Variants in MOB1B observed in about 807,000 individuals in gnomAD.
MOB1B encodes the protein MOB kinase activator 1B, also known as MOB1 Mps One Binder homolog B.
In MOB1B, 19 loss-of-function variants were observed where a neutral mutation model predicts 24.4. The observed-to-expected ratio is 0.78, with a 90% CI of 0.54 to 1.14. The LOEUF (loss-of-function observed/expected upper bound fraction) is 1.14. Ranked by LOEUF, MOB1B falls within the 50% of genes most tolerant of loss-of-function variation. MOB1B has a pLI of 0.00. For missense variants in MOB1B, 243 were observed against 259.6 expected (o/e 0.94, Z 0.44); for synonymous variants, 76 against 82.1 (o/e 0.93, Z 0.40).
At chr4:70,918,201 A>G (rs982072045) in intron 1 of MOB1B, among the ~76,000 whole-genome samples, 20 of 152,208 alleles carry the variant, frequency 1.3e-4, no homozygotes, top group Non-Finnish European at 2.6e-4. Context: ...GCATTAGAAA[A>G]GACAATTTTG....
chr4:70,914,797 G>T (rs1736133978), intron 1 of MOB1B, among the ~76,000 whole-genome samples: 1 of 152,064 alleles, frequency 6.6e-6, no homozygotes, highest in Non-Finnish European at 1.5e-5. Context: ...ACCCTGTCTG[G>T]CCACCCTCTC....
chr4:70,933,519 T>C (rs540491682), intron 1 of MOB1B, among the ~76,000 whole-genome samples: 7 of 151,188 alleles, frequency 4.6e-5, no homozygotes, highest in African/African-American at 1.7e-4. Flanking sequence ...AATAGTTCTA[T>C]AGGGCTTGTA....
intron 1 of MOB1B, among the ~76,000 whole-genome samples, chr4:70,936,052 C>T (rs912871040): frequency 3.3e-5 from 5 of 152,030 alleles, no homozygotes; most frequent in African/African-American, 7.2e-5. Context: ...GGGGTTTCAC[C>T]GTTTTAGCTG....
intron 2 of MOB1B, among the ~76,000 whole-genome samples, chr4:70,959,284 C>A (rs1257364415): frequency 6.6e-6 from 1 of 152,226 alleles, no homozygotes; most frequent in Non-Finnish European, 1.5e-5. Flanking sequence ...TTATGGCTGA[C>A]TGCAGCCTTG....
In MOB1B at chr4:70,982,125, T is replaced by C; in HGVS notation, c.*68T>C. On this transcript the variant is annotated 3_prime_UTR_variant, in exon 6 of 6. Transcript: ENST00000309395. ...GTGGAGTGTATTGGGGATTTTGTTA[T>C]ATTTTGTTTTTATCTGGATTGTTTT... The C allele has an allele frequency of 8.1e-6, 10 of 1,230,170 alleles. No homozygotes were observed. Among genetic ancestry groups the C allele is most frequent in the East Asian group, 2.4e-5 (1 of 42,518 alleles). The allele number at this position is 1,230,170 out of a possible 1,614,324, so 76.2% of individuals were successfully genotyped here.
At position 70,983,421 on chromosome 4, in the gene MOB1B, A is replaced by ATTTC. The variant is rs1739280655; in HGVS notation, c.*1364_*1365insTTTC. ...TTTTATTCGCCATGACTTTCTAGTG[A>ATTTC]ATTATTACCATAAATAACAATTTCA... is the stretch of plus-strand genomic sequence containing the variant. On this transcript the variant is annotated 3_prime_UTR_variant, in exon 6 of 6. Coordinates refer to ENST00000309395, the MANE Select transcript of MOB1B (RefSeq NM_173468.4). 1 of 152,406 alleles carries ATTTC rather than the reference A, an allele frequency of 6.6e-6. No individual in the cohort carries two copies. The highest frequency in any genetic ancestry group is 2.4e-5 in the African/African-American group (1 of 41,444). 9.4% of individuals were successfully genotyped at this position (152,406 alleles called of 1,614,324 possible).
At chr4:70,962,624 A>C (rs753429866) in intron 2 of MOB1B, among the ~76,000 whole-genome samples, 1 of 152,166 alleles carries the variant, frequency 6.6e-6, no homozygotes, top group Non-Finnish European at 1.5e-5. Flanking sequence ...AATCTGTGCA[A>C]CCTTGGATTT....
chr4:70,958,973 T>C lies in MOB1B; in HGVS notation c.114T>C (p.Ser38=), dbSNP rs781322500. The C allele has an allele frequency of 5.6e-6, 9 of 1,614,164 alleles. No individual in the cohort carries two copies. The highest frequency in any genetic ancestry group is 7.6e-6 in the Non-Finnish European group (9 of 1,180,016). ...LLKHAEATLG[S]GNLRMAVMLP... ...AACACGCAGAAGCCACACTTGGCAG[T>C]GGCAACCTTCGGATGGCTGTCATGC... The change falls in exon 2 of 6, where the codon AGT becomes AGC. Residue 38 remains serine (S), a synonymous_variant. Coordinates refer to ENST00000309395, the MANE Select transcript of MOB1B (RefSeq NM_173468.4).
At chr4:70,920,583 C>A (rs1736394062) in intron 1 of MOB1B, among the ~76,000 whole-genome samples, 1 of 152,250 alleles carries the variant, frequency 6.6e-6, no homozygotes, top group South Asian at 2.1e-4. Flanking sequence ...GTGACTTTTA[C>A]TTTATATTTA....
intron 1 of MOB1B, among the ~76,000 whole-genome samples, chr4:70,907,984 T>C (rs1339454281): frequency 6.6e-6 from 1 of 151,930 alleles, no homozygotes; most frequent in Admixed American, 6.6e-5. Flanking sequence ...GGAAAGGTGG[T>C]TTGGGAATGT....
chr4:70,948,707 C>T (rs537943873), intron 1 of MOB1B, among the ~76,000 whole-genome samples: 15 of 152,030 alleles, frequency 9.9e-5, no homozygotes, highest in Non-Finnish European at 1.9e-4. Flanking sequence ...ATTGTCTGCT[C>T]AACTTGAGTG....
At chr4:70,941,160 C>CT (rs775651257) in intron 1 of MOB1B, among the ~76,000 whole-genome samples, 1,732 of 135,412 alleles carry the variant, frequency 0.013, 27 homozygotes, top group African/African-American at 0.039. Flanking sequence ...TACTTTGGCT[C>CT]TTTTTTTTTT....
intron 1 of MOB1B, among the ~76,000 whole-genome samples, chr4:70,924,676 C>G (rs192234524): frequency 1.3e-5 from 2 of 152,234 alleles, no homozygotes; most frequent in South Asian, 2.1e-4. Context: ...TATTCCCCGC[C>G]CTGTGTCCAG....
At chr4:70,953,725 C>G (rs1454849903) in intron 1 of MOB1B, among the ~76,000 whole-genome samples, 2 of 152,192 alleles carry the variant, frequency 1.3e-5, no homozygotes, top group Non-Finnish European at 2.9e-5. Context: ...GGGCGGATCA[C>G]TTGAGTTCAG....
chr4:70,942,735 G>A (rs543707264), intron 1 of MOB1B: 9 of 265,584 alleles, frequency 3.4e-5, no homozygotes, highest in Admixed American at 6.5e-5. Context: ...ATACAGACTA[G>A]GGCAGGATTT....
intron 2 of MOB1B, among the ~76,000 whole-genome samples, chr4:70,961,983 T>TG (rs1270116144): frequency 6.6e-6 from 1 of 152,190 alleles, no homozygotes; most frequent in African/African-American, 2.4e-5. Flanking sequence ...CCCAGCATTT[T>TG]GGGAGGCTGA....
At chr4:70,974,452 G>A (rs1333310171) in intron 3 of MOB1B, among the ~76,000 whole-genome samples, 2 of 151,940 alleles carry the variant, frequency 1.3e-5, no homozygotes, top group African/African-American at 4.8e-5. Flanking sequence ...TTGAGTCTGC[G>A]TTTTCTACTA....
chr4:70,985,418 C>A lies in MOB1B; in HGVS notation c.*3361C>A, dbSNP rs1403189811. 6.6e-6 allele frequency: 1 copy of A among 152,122 alleles called. No individual in the cohort carries two copies. Among genetic ancestry groups the A allele is most frequent in the African/African-American group, 2.4e-5 (1 of 41,428 alleles). 9.4% of individuals were successfully genotyped at this position (152,122 alleles called of 1,614,324 possible). A position where few individuals can be genotyped will look rare whatever the true frequency, so the allele number is the denominator to read the frequency against. On this transcript the variant is annotated 3_prime_UTR_variant, in exon 6 of 6. Coordinates refer to ENST00000309395, the MANE Select transcript of MOB1B (RefSeq NM_173468.4). ...GTTTTTGGAACTGTTCTAGAGCATA[C>A]CATGAAAAGCAGTTTGTTATTATGC...
chr4:70,932,177 C>T (rs1006010180), intron 1 of MOB1B, among the ~76,000 whole-genome samples: 3 of 152,108 alleles, frequency 2.0e-5, no homozygotes, highest in Middle Eastern at 3.4e-3. Flanking sequence ...TATTGAATAT[C>T]GATTGTATGC....
Sources: allele counts gnomAD v4.1 joint callset (sites outside exome capture counted in the v4.1 genomes callset), GRCh38; gene constraint gnomAD v4.1.1; transcripts MANE v1.5; gene names NCBI Gene and HGNC (gene_info 2026-07-23, HGNC 2026-07-21).